The following RAP1GAP2 variants were observed in gnomAD, a reference collection of about 807,000 sequenced individuals.
The protein encoded by RAP1GAP2 is RAP1 GTPase activating protein 2.
A neutral mutation model predicts 95.0 loss-of-function variants in RAP1GAP2; 27 were observed. The ratio of observed to expected loss-of-function variants is 0.28; its 90% CI spans 0.21 to 0.39. The LOEUF (loss-of-function observed/expected upper bound fraction) is 0.39, where lower values mean the gene tolerates loss of function less well. RAP1GAP2 is among the 10% of genes least tolerant of loss of function. The pLI, the probability that RAP1GAP2 is intolerant of heterozygous loss-of-function variation, is 1.00. For missense variants in RAP1GAP2, 771 were observed against 970.0 expected, an observed-to-expected ratio of 0.79 and a Z score of 2.72; for synonymous variants, 373 against 380.9, an observed-to-expected ratio of 0.98 and a Z score of 0.24.
At chr17:2,806,480 C>T (rs1435801632) in intron 2 of RAP1GAP2, among the ~76,000 whole-genome samples, 1 of 151,210 alleles carries the variant, frequency 6.6e-6, no homozygotes, top group Admixed American at 6.6e-5. Flanking sequence ...GCAACCTCCA[C>T]CTCCTGGGTT....
chr17:2,793,495 C>T (rs1260292096), upstream of RAP1GAP2, among the ~76,000 whole-genome samples: 1 of 152,218 alleles, frequency 6.6e-6, no homozygotes, highest in Non-Finnish European at 1.5e-5. Flanking sequence ...CCTCCAACCC[C>T]AGCACCTCCC....
At chr17:2,983,797 A>G (rs1313707307) in intron 10 of RAP1GAP2, among the ~76,000 whole-genome samples, 2 of 152,148 alleles carry the variant, frequency 1.3e-5, no homozygotes, top group African/African-American at 4.8e-5. Flanking sequence ...AAGTCTCCAC[A>G]CTGAGAATCC....
In RAP1GAP2 at chr17:2,781,082, A is replaced by G. The variant is rs550144611; in HGVS notation, c.-14+3804A>G. ...AGGCAGGTGTGATGCCAACGATACA[A>G]GGCTGTGCCGAGCCCCTGGCCCCGG... On this transcript the variant is annotated intron_variant, in intron 1 of 24. Transcript: ENST00000540393. Among the ~76,000 whole-genome samples, 6 of 152,324 alleles carry G rather than the reference A, an allele frequency of 3.9e-5. No individual in the cohort carries two copies. The South Asian group carries it at 1.2e-3, about 32-fold the overall frequency.
chr17:2,972,152 CA>C (rs1375713920), intron 8 of RAP1GAP2, among the ~76,000 whole-genome samples: 1 of 152,134 alleles, frequency 6.6e-6, no homozygotes, highest in Non-Finnish European at 1.5e-5. Context: ...GAAACCTGAA[CA>C]AACCGGTAAC....
At chr17:2,767,688 T>A (rs111281053) in intron 1 of RAP1GAP2, among the ~76,000 whole-genome samples, 3,185 of 152,068 alleles carry the variant, frequency 0.021, 93 homozygotes, top group African/African-American at 0.074. Flanking sequence ...CAACATCTTT[T>A]ATGGCCACAC....
chr17:2,874,432 G>A (rs544005418), intron 2 of RAP1GAP2, among the ~76,000 whole-genome samples: 39 of 152,242 alleles, frequency 2.6e-4, no homozygotes, highest in African/African-American at 5.8e-4. Flanking sequence ...CTGAGGCCCC[G>A]GGCTGACGGA....
In RAP1GAP2 at chr17:2,788,068, A is replaced by G. The variant is rs187136371; in HGVS notation, c.-14+10790A>G. Among the ~76,000 whole-genome samples the G allele has an allele frequency of 3.4e-3, 518 of 152,312 alleles. 2 individuals are homozygous for G. The highest frequency in any genetic ancestry group is 0.012 in the African/African-American group (489 of 41,572). On this transcript the variant is annotated intron_variant, in intron 1 of 24. Transcript: ENST00000540393. Reference sequence around the variant, plus strand: ...ATATGATTAACATCTGTATACATAGATCTTGTCAAGTGGTATGAGTTAACC... The same window carrying G: ...ATATGATTAACATCTGTATACATAGGTCTTGTCAAGTGGTATGAGTTAACC...
rs546611668 is a variant in RAP1GAP2 at position 2,976,813 on chromosome 17, GC to G, written c.597-3473del. Among the ~76,000 whole-genome samples the G allele has an allele frequency of 3.3e-4, 50 of 152,186 alleles. No individual in the cohort carries two copies. The East Asian group carries it at 9.7e-3, about 29-fold the overall frequency. ...GACTAGTAAGATCGATAAACCTCCA[GC>G]TAAAACTGATAAGGGAAAACAAGGA... On this transcript the variant is annotated intron_variant, in intron 8 of 24. Transcript: ENST00000254695.
At chr17:2,815,214 C>G (rs1436291615) in intron 2 of RAP1GAP2, among the ~76,000 whole-genome samples, 1 of 152,128 alleles carries the variant, frequency 6.6e-6, no homozygotes, top group Non-Finnish European at 1.5e-5. Context: ...TGCACGGGAA[C>G]CAGTGCCGTT....
chr17:3,031,647 G>C (rs1597919679), intron 23 of RAP1GAP2, among the ~76,000 whole-genome samples: 1 of 147,952 alleles, frequency 6.8e-6, no homozygotes, highest in Non-Finnish European at 1.5e-5. Context: ...GAGAAAGGCT[G>C]GTTCCTGGGT....
At position 2,963,712 on chromosome 17, in the gene RAP1GAP2, AG is replaced by A; in HGVS notation, c.280-140del. 1 of 830,146 alleles carries A rather than the reference AG, an allele frequency of 1.2e-6. No homozygotes were observed. 51.4% of individuals were successfully genotyped at this position (830,146 alleles called of 1,614,324 possible). On this transcript the variant is annotated intron_variant, in intron 6 of 24. Transcript: ENST00000254695. This position sits in a 1 kb window ranked among gnomAD's most constrained non-coding sequence, Gnocchi z 4.8. ...CTGGAGGTGTTGTGGGGCTTGGAGG[AG>A]GGGTTCATGTCACTGCCTTTGGCCT...
At chr17:2,882,379 C>T (rs2073338083) in intron 2 of RAP1GAP2, among the ~76,000 whole-genome samples, 1 of 151,758 alleles carries the variant, frequency 6.6e-6, no homozygotes, top group Non-Finnish European at 1.5e-5. Flanking sequence ...GCAGCCTCCA[C>T]CTCCCAGGTT....
chr17:2,798,209 C>G (rs1470574632), intron 1 of RAP1GAP2, among the ~76,000 whole-genome samples: 1 of 152,082 alleles, frequency 6.6e-6, no homozygotes, highest in East Asian at 1.9e-4. Context: ...TAGGGTGAGC[C>G]GAAGGTGGAG....
chr17:2,780,330 C>T (rs948475813), intron 1 of RAP1GAP2, among the ~76,000 whole-genome samples: 3 of 152,230 alleles, frequency 2.0e-5, no homozygotes, highest in South Asian at 2.1e-4. Flanking sequence ...GGGTGACAGG[C>T]GGGAGCCGCC....
rs1193109213 is a variant in RAP1GAP2 at position 2,870,189 on chromosome 17, C to T, written c.81-35095C>T. On this transcript the variant is annotated intron_variant, in intron 2 of 24. Transcript: ENST00000254695. This position sits in a 1 kb window ranked among gnomAD's most constrained non-coding sequence, Gnocchi z 4.4. ...CTGGAATGCAATGGTGCAATCTCGG[C>T]TCACTGTAACCTCCCTCCCAAGTTC... 7.3e-5 allele frequency among the ~76,000 whole-genome samples: 11 copies of T among 151,522 alleles called. No homozygotes were observed. Among genetic ancestry groups the T allele is most frequent in the Admixed American group, 7.3e-4 (11 of 15,172 alleles).
intron 2 of RAP1GAP2, among the ~76,000 whole-genome samples, chr17:2,824,755 A>G (rs2070472139): frequency 1.3e-5 from 2 of 148,558 alleles, no homozygotes; most frequent in Admixed American, 6.7e-5. Flanking sequence ...AAAAAAAAAA[A>G]AAAAAAAAGA....
chr17:2,880,050 C>T (rs931642198), intron 2 of RAP1GAP2, among the ~76,000 whole-genome samples: 3 of 152,020 alleles, frequency 2.0e-5, no homozygotes, highest in Non-Finnish European at 2.9e-5. Context: ...TCAGACTGAT[C>T]GTGACAACTG....
chr17:2,801,594 GGTATGTGT>G (rs1326899272), intron 2 of RAP1GAP2, among the ~76,000 whole-genome samples: 2,061 of 126,018 alleles, frequency 0.016, 45 homozygotes, highest in African/African-American at 0.035. Context: ...AACACTCCAG[GGTATGTGT>G]GTGTGTGTGT....
intron 2 of RAP1GAP2, among the ~76,000 whole-genome samples, chr17:2,771,499 G>GTTTTTTTTTTTTGT (rs397976670): frequency 4.8e-5 from 6 of 124,764 alleles, no homozygotes; most frequent in Non-Finnish European, 8.5e-5. Flanking sequence ...TTTTTTTTTT[G>GTTTTTTTTTTTTGT]TTTTTTTTTT....
Sources: allele counts gnomAD v4.1 joint callset (sites outside exome capture counted in the v4.1 genomes callset), GRCh38; gene constraint gnomAD v4.1.1; non-coding constraint Gnocchi (gnomAD v3.1); transcripts MANE v1.5; gene names NCBI Gene and HGNC (gene_info 2026-07-23, HGNC 2026-07-21).